Variants in PCDHGA6 observed in about 807,000 individuals in gnomAD.
PCDHGA6 encodes the protein protocadherin gamma-A6.
PCDHGA6 carries 41 observed loss-of-function variants against 60.6 expected under a neutral mutation model. The observed-to-expected ratio is 0.68, with a 90% CI of 0.53 to 0.88. The LOEUF (loss-of-function observed/expected upper bound fraction) is 0.88. Ranked by LOEUF, PCDHGA6 falls within the 40% of genes least tolerant of loss-of-function variation. The probability of loss-of-function intolerance (pLI) is 0.00; values close to 1 mark genes in which losing one functional copy is unlikely to be tolerated. For synonymous variants in PCDHGA6, 594 were observed against 524.4 expected (o/e 1.13, Z -1.81); for missense variants, 1,312 against 1,203.0 (o/e 1.09, Z -1.34).
chr5:141,489,425 G>T lies in PCDHGA6; in HGVS notation c.2425-5382G>T, dbSNP rs779739693. 6.2e-7 allele frequency: 1 copy of T among 1,614,118 alleles called. No homozygotes were observed. The highest frequency in any genetic ancestry group is 8.5e-7 in the Non-Finnish European group (1 of 1,180,030). The stretch of plus-strand genomic sequence containing the variant: ...TTAAAGATGACAGATCTGTTGAGCC[G>T]GCGGCTGCAATTGGGCTCTGAGGAG... On this transcript the variant is annotated intron_variant, in intron 1 of 3. Transcript: ENST00000517434. This position sits in a 1 kb window ranked among gnomAD's most constrained non-coding sequence, Gnocchi z 4.5.
intron 1 of PCDHGA6, chr5:141,423,114 A>G: frequency 1.9e-6 from 3 of 1,613,848 alleles, no homozygotes; most frequent in Non-Finnish European, 1.7e-6. Context: ...AGGTGCGTAC[A>G]GCGCGGGCAC....
intron 1 of PCDHGA6, among the ~76,000 whole-genome samples, chr5:141,464,240 G>A (rs1396190870): frequency 1.3e-5 from 2 of 150,444 alleles, no homozygotes; most frequent in Non-Finnish European, 2.9e-5. Context: ...ACTCCAGCCT[G>A]GGCTACAGAG....
At chr5:141,388,652 C>T in intron 1 of PCDHGA6, 1 of 1,613,844 alleles carries the variant, frequency 6.2e-7, no homozygotes, top group African/African-American at 1.3e-5. Context: ...AAAACGTGTA[C>T]CCGGGGACCA....
Position 141,376,575 on chromosome 5 carries a change from C to T in PCDHGA6, c.2424+68C>T, listed in dbSNP as rs149813666. ...CCCGCAACCCAACTAATCAGACAGG[C>T]TCATCAGCTAGATCGGCTGTTATAG... On this transcript the variant is annotated intron_variant, in intron 1 of 3. Transcript: ENST00000517434. 4.5e-5 allele frequency: 72 copies of T among 1,597,700 alleles called. No individual in the cohort carries two copies. The East Asian group carries it at 1.4e-3, about 32-fold the overall frequency.
intron 1 of PCDHGA6, chr5:141,478,551 G>A (rs759604162): frequency 6.2e-6 from 10 of 1,603,054 alleles, no homozygotes; most frequent in South Asian, 3.3e-5. Context: ...GGACAGGTAA[G>A]GTTTAGCAAG....
At chr5:141,376,554 C>A in intron 1 of PCDHGA6, 47 bp downstream of exon 1, 1 of 1,611,072 alleles carries the variant, frequency 6.2e-7, no homozygotes, top group Non-Finnish European at 8.5e-7. Flanking sequence ...GATCTTCCCG[C>A]AACCCAACTA....
chr5:141,421,477 A>G (rs755936665), intron 1 of PCDHGA6: 23 of 1,614,022 alleles, frequency 1.4e-5, no homozygotes, highest in Non-Finnish European at 1.7e-6. Context: ...GCGAAGCGGC[A>G]GCTTGATCAC....
Position 141,410,405 on chromosome 5 carries a change from T to C in PCDHGA6, c.2424+33898T>C, listed in dbSNP as rs777544150. ...CTTCCATCCTGGTCTCTGTGTCAAGTCTGGACCTGTAGTTCCCCCCAACTA... is the reference window on the plus strand; with the variant it reads ...CTTCCATCCTGGTCTCTGTGTCAAGCCTGGACCTGTAGTTCCCCCCAACTA... On this transcript the variant is annotated intron_variant, in intron 1 of 3. Transcript: ENST00000517434. 2.2e-5 allele frequency: 35 copies of C among 1,613,948 alleles called. 1 individual carries two copies. In the East Asian group the frequency reaches 7.8e-4, roughly 36 times the overall value.
chr5:141,507,495 G>A (rs375483743), intron 3 of PCDHGA6, among the ~76,000 whole-genome samples: 5 of 152,352 alleles, frequency 3.3e-5, no homozygotes, highest in East Asian at 3.9e-4. Flanking sequence ...AGGCAGAGCT[G>A]TCCCAGGTCT....
Position 141,476,267 on chromosome 5 carries a change from G to A in PCDHGA6, c.2425-18540G>A, listed in dbSNP as rs373758158. The A allele has an allele frequency of 6.8e-6, 11 of 1,613,938 alleles. No homozygotes were observed. Among genetic ancestry groups the A allele is most frequent in the African/African-American group, 1.3e-5 (1 of 74,884 alleles). On this transcript the variant is annotated intron_variant, in intron 1 of 3. Transcript: ENST00000517434. The surrounding 1 kb of genome is among the most constrained non-coding windows in gnomAD (Gnocchi z 7.6). ...GAAGGGTTTCGCTGTGGGCAACGTG[G>A]TCGCGAACCTTGGTTTGGATCTCGG...
At chr5:141,425,447 A>G (rs549575207) in intron 1 of PCDHGA6, among the ~76,000 whole-genome samples, 5 of 152,318 alleles carry the variant, frequency 3.3e-5, no homozygotes, top group African/African-American at 1.2e-4. Flanking sequence ...AAAATAAAAC[A>G]CCATCACATT....
chr5:141,500,207 T>G (rs932015076), intron 2 of PCDHGA6, among the ~76,000 whole-genome samples: 2 of 150,136 alleles, frequency 1.3e-5, no homozygotes, highest in African/African-American at 4.9e-5. Context: ...TTTATTTATT[T>G]ATTTATTTAT....
At chr5:141,499,966 G>A (rs1403177792) in intron 2 of PCDHGA6, among the ~76,000 whole-genome samples, 1 of 151,988 alleles carries the variant, frequency 6.6e-6, no homozygotes, top group African/African-American at 2.4e-5. Flanking sequence ...GGGATTACAG[G>A]TGTGAGCCAC....
Position 141,476,116 on chromosome 5 carries a change from G to C in PCDHGA6, c.2425-18691G>C, listed in dbSNP as rs367958555. On this transcript the variant is annotated intron_variant, in intron 1 of 3. Transcript: ENST00000517434. The surrounding 1 kb of genome is among the most constrained non-coding windows in gnomAD (Gnocchi z 7.6). ...GCTGAGAGGAACTGCTTTTGAGTGA[G>C]ATGGTCCCAGAGGCCTGGAGGAGCG... 504 of 1,593,954 alleles carry C rather than the reference G, an allele frequency of 3.2e-4. No individual in the cohort carries two copies. Among genetic ancestry groups the C allele is most frequent in the Non-Finnish European group, 4.1e-4 (479 of 1,172,292 alleles).
intron 1 of PCDHGA6, chr5:141,385,673 C>T (rs1253807650): frequency 2.6e-6 from 1 of 384,964 alleles, no homozygotes; most frequent in Non-Finnish European, 3.8e-6. Context: ...TAAAACACAC[C>T]TCAGCTGTCT....
At position 141,432,319 on chromosome 5, in the gene PCDHGA6, C is replaced by A; in HGVS notation, c.2424+55812C>A. The A allele has an allele frequency of 6.2e-7, 1 of 1,614,264 alleles. No individual in the cohort carries two copies. Among genetic ancestry groups the A allele is most frequent in the South Asian group, 1.1e-5 (1 of 91,088 alleles). ...GGGTACTGTATGCGCTGAGCTCCTTCGACTACGAGCAGTTCCGAGACTTGC... is the reference window on the plus strand; with the variant it reads ...GGGTACTGTATGCGCTGAGCTCCTTAGACTACGAGCAGTTCCGAGACTTGC... On this transcript the variant is annotated intron_variant, in intron 1 of 3. Transcript: ENST00000517434. The surrounding 1 kb of genome is among the most constrained non-coding windows in gnomAD (Gnocchi z 6.0).
At chr5:141,488,859 G>A (rs1033425540) in intron 1 of PCDHGA6, among the ~76,000 whole-genome samples, 12 of 152,204 alleles carry the variant, frequency 7.9e-5, no homozygotes, top group African/African-American at 2.9e-4. Context: ...GCAGCACGAA[G>A]TGAGTGGGGA....
chr5:141,471,879 G>A (rs1027572395), intron 1 of PCDHGA6, among the ~76,000 whole-genome samples: 7 of 152,218 alleles, frequency 4.6e-5, no homozygotes, highest in African/African-American at 1.7e-4. Context: ...GCCTGAGGCT[G>A]AAGCTAGGAA....
At chr5:141,408,504 G>C (rs752297449) in intron 1 of PCDHGA6, 2 of 1,613,936 alleles carry the variant, frequency 1.2e-6, no homozygotes, top group Non-Finnish European at 1.7e-6. Context: ...GAGAGAAGAA[G>C]ATGTGAGTTG....
Sources: gnomAD v4.1 joint callset for allele counts (sites outside exome capture counted in the v4.1 genomes callset) on GRCh38, gnomAD v4.1.1 for gene constraint, Gnocchi (gnomAD v3.1) non-coding constraint, MANE v1.5 for transcripts, NCBI Gene and HGNC (gene_info 2026-07-23, HGNC 2026-07-21) for gene names.